The following UBA7 variants were observed in gnomAD, a reference collection of about 807,000 sequenced individuals.
UBA7 encodes the protein ubiquitin-like modifier-activating enzyme 7.
Under a neutral mutation model 113.0 loss-of-function variants are expected in UBA7, and 88 were observed. The ratio of observed to expected loss-of-function variants is 0.78; its 90% confidence interval spans 0.66 to 0.93. UBA7 has a LOEUF of 0.93. Ranked by LOEUF, UBA7 falls within the 40% of genes least tolerant of loss-of-function variation. The pLI is 0.00. For synonymous variants in UBA7, 459 were observed against 513.0 expected, an observed-to-expected ratio of 0.89 and a Z score of 1.42; for missense variants, 1,092 against 1,266.4, an observed-to-expected ratio of 0.86 and a Z score of 2.09.
At position 49,805,265 on chromosome 3, in the gene UBA7, G is replaced by A. The variant is rs1359681316; in HGVS notation, c.*43C>T. The A allele has an allele frequency of 6.3e-7, 1 of 1,588,076 alleles. No individual in the cohort carries two copies. The highest frequency in any genetic ancestry group is 2.2e-5 in the East Asian group (1 of 44,600). Reference sequence around the variant, plus strand: ...TGTGGGCTTACAATGCAGGGCTTGGGATCCGGGGCTCCATTGAGCTAGGTG... The same window carrying A: ...TGTGGGCTTACAATGCAGGGCTTGGAATCCGGGGCTCCATTGAGCTAGGTG... On this transcript the variant is annotated 3_prime_UTR_variant, in exon 24 of 24. Transcript: ENST00000333486.
Position 49,810,971 on chromosome 3 carries a change from C to A in UBA7, c.1230+13G>T, listed in dbSNP as rs758986869. 1 of 1,613,928 alleles carries A rather than the reference C, an allele frequency of 6.2e-7. No individual in the cohort carries two copies. The highest frequency in any genetic ancestry group is 8.5e-7 in the Non-Finnish European group (1 of 1,179,822). On this transcript the variant is annotated intron_variant, in intron 10 of 23. Coordinates refer to ENST00000333486, the MANE Select transcript of UBA7 (RefSeq NM_003335.3). This position sits in a 1 kb window ranked among gnomAD's most constrained non-coding sequence, Gnocchi z 5.6. ...TTTTGGACAAGGCTTGCACCCCTAT[C>A]CCAGGCTCTCACCAGGGCACAGTCC... is the stretch of plus-strand genomic sequence containing the variant.
chr3:49,812,278 A>G (rs1575378539), intron 6 of UBA7, 72 bp from the exon 7 acceptor site: 2 of 1,611,376 alleles, frequency 1.2e-6, no homozygotes, highest in East Asian at 2.2e-5. Flanking sequence ...CCTATCTTGC[A>G]TCTGTGTCCC....
Position 49,809,989 on chromosome 3 carries a change from G to A in UBA7, c.1828C>T (p.His610Tyr). 2 of 1,613,818 alleles carry A rather than the reference G, an allele frequency of 1.2e-6. No homozygotes were observed. Among genetic ancestry groups the A allele is most frequent in the Middle Eastern group, 1.6e-4 (1 of 6,062 alleles). The change falls in exon 14 of 24, where the codon CAC (histidine) becomes TAC (tyrosine). Residue 610 changes from histidine to tyrosine, a missense_variant. By Grantham distance (83) the His-to-Tyr change is moderately conservative. Coordinates refer to ENST00000333486, the MANE Select transcript of UBA7 (RefSeq NM_003335.3). ...AGGGTGCTTCCTACCTGCAGGGTGTGCTCGGCTGTGCTAGGGAAGTACCGC... is the reference window on the plus strand; with the variant it reads ...AGGGTGCTTCCTACCTGCAGGGTGTACTCGGCTGTGCTAGGGAAGTACCGC... Reference protein sequence around the residue: ...TVRYFPSTAEHTLQWARHEFE... With the variant: ...TVRYFPSTAEYTLQWARHEFE...
rs1011682179 is a variant in UBA7, at chr3:49,807,239, G to A, written c.2715+497C>T. On this transcript the variant is annotated intron_variant, in intron 21 of 23. Transcript: ENST00000333486. This position sits in a 1 kb window ranked among gnomAD's most constrained non-coding sequence, Gnocchi z 4.0. ...GCTCCTTCCATACCCACACTCCGGG[G>A]ATGCCCAGACCCCAGTTGCACTCAC... Among the ~76,000 whole-genome samples, 1 of 152,172 alleles carries A rather than the reference G, an allele frequency of 6.6e-6. No homozygotes were observed. The highest frequency in any genetic ancestry group is 2.4e-5 in the African/African-American group (1 of 41,420).
intron 16 of UBA7, 32 bp from the exon 17 acceptor site, chr3:49,809,496 G>C (rs1243540172): frequency 1.9e-6 from 3 of 1,613,994 alleles, no homozygotes; most frequent in Non-Finnish European, 2.5e-6. Context: ...GCTGGGCTCA[G>C]TCTGGTCCCC....
intron 6 of UBA7, 40 bp from the exon 7 acceptor site, chr3:49,812,246 C>T: frequency 6.2e-7 from 1 of 1,613,108 alleles, no homozygotes; most frequent in Non-Finnish European, 8.5e-7. Flanking sequence ...ATCCTTGAGC[C>T]TGAGTAGTTC....
chr3:49,811,140 C>T, intron 9 of UBA7, 49 bp from the exon 10 acceptor site: 1 of 1,608,232 alleles, frequency 6.2e-7, no homozygotes. Context: ...CCTGACCCCC[C>T]TCAGATCCTG....
At position 49,811,351 on chromosome 3, in the gene UBA7, T is replaced by C. The variant is rs1405784636; in HGVS notation, c.1044A>G (p.Thr348=). ...AGACACCTGCACTGCTTAGGGCGAC[T>C]GTCCGCACTAGGGCCTCATCCAGTG... is the stretch of plus-strand genomic sequence containing the variant. ...EEPLDEALVR[T]VALSSAGVLS... Residue 348 remains threonine, a synonymous_variant, in exon 9 of 24, where the codon ACA becomes ACG. Coordinates refer to ENST00000333486, the MANE Select transcript of UBA7 (RefSeq NM_003335.3). The C allele has an allele frequency of 6.2e-7, 1 of 1,614,224 alleles. No individual in the cohort carries two copies. The highest frequency in any genetic ancestry group is 8.5e-7 in the Non-Finnish European group (1 of 1,180,022).
At chr3:49,809,338 G>A in intron 17 of UBA7, 52 bp downstream of exon 17, 1 of 1,598,152 alleles carries the variant, frequency 6.3e-7, no homozygotes, top group Non-Finnish European at 8.6e-7. Context: ...GCCTACCTCT[G>A]CTCTGAGGGG....
Position 49,808,978 on chromosome 3 carries a change from A to C in UBA7, c.2345T>G (p.Phe782Cys). ...GGGGCCAGGGCCAGGAGCCTCACCA[A>C]ACTCAGCAGAAGCCGAAGCCAGCTC... ...NLELASASAE[F>C]GPEQQKELNK... The change falls in exon 18 of 24, where the codon TTT becomes TGT. Residue 782 changes from phenylalanine to cysteine, a missense_variant and splice_region_variant. Coordinates refer to ENST00000333486, the MANE Select transcript of UBA7 (RefSeq NM_003335.3). 3.1e-6 allele frequency: 5 copies of C among 1,613,110 alleles called. No homozygotes were observed. The highest frequency in any genetic ancestry group is 4.2e-6 in the Non-Finnish European group (5 of 1,179,810).
Position 49,810,477 on chromosome 3 carries a change from G to C in UBA7, c.1467+40C>G, listed in dbSNP as rs371301292. The C allele has an allele frequency of 5.6e-6, 9 of 1,613,932 alleles. No homozygotes were observed. The highest frequency in any genetic ancestry group is 1.6e-4 in the Middle Eastern group (1 of 6,062). On this transcript the variant is annotated intron_variant, in intron 12 of 23. Coordinates refer to ENST00000333486, the MANE Select transcript of UBA7 (RefSeq NM_003335.3). This position sits in a 1 kb window ranked among gnomAD's most constrained non-coding sequence, Gnocchi z 5.6. ...TGGGTGGGAAGCTGTATGGGAGGAC[G>C]GTCTGGGATGCAGGAGTGTGGAGAG...
chr3:49,810,015 A>C lies in UBA7; in HGVS notation c.1802T>G (p.Val601Gly). 6.2e-7 allele frequency: 1 copy of C among 1,613,786 alleles called. No homozygotes were observed. Among genetic ancestry groups the C allele is most frequent in the Non-Finnish European group, 8.5e-7 (1 of 1,179,944 alleles). ...CTCGGCTGTGCTAGGGAAGTACCGC[A>C]CGGTACAGACAGGGTAGGGGGCATC... The part of the protein sequence containing the change: ...SEDAPYPVCT[V>G]RYFPSTAEHT... Residue 601 changes from valine (V) to glycine (G), a missense_variant, in exon 14 of 24, where the codon GTG becomes GGG. By Grantham distance (109) the Val-to-Gly change is moderately radical. Coordinates refer to ENST00000333486, the MANE Select transcript of UBA7 (RefSeq NM_003335.3). The surrounding 1 kb of genome is among the most constrained non-coding windows in gnomAD (Gnocchi z 5.6).
At chr3:49,808,837 G>T in intron 18 of UBA7, 139 bp downstream of exon 18, 1 of 1,087,470 alleles carries the variant, frequency 9.2e-7, no homozygotes, top group Admixed American at 2.8e-5. Context: ...CTATGGAGGA[G>T]TGAGGTTAGG....
Position 49,812,155 on chromosome 3 carries a change from C to T in UBA7, c.746G>A (p.Arg249His), listed in dbSNP as rs1343349400. The part of the protein sequence containing the change: ...GDTTTFSRYL[R>H]GGAITEVKRP... Reference sequence around the variant, plus strand: ...CTTGACTTCAGTGATAGCCCCACCACGCAAGTACCGAGAGAAAGTTGTTGT... The same window carrying T: ...CTTGACTTCAGTGATAGCCCCACCATGCAAGTACCGAGAGAAAGTTGTTGT... Residue 249 changes from arginine (R) to histidine (H), a missense_variant, in exon 7 of 24, where the codon CGT becomes CAT. Around this residue, in one of 3 missense-constraint regions of UBA7, gnomAD observed 584 missense variants for 714.5 expected, o/e 0.82. Transcript: ENST00000333486. 6.2e-6 allele frequency: 10 copies of T among 1,614,096 alleles called. No homozygotes were observed. Among genetic ancestry groups the T allele is most frequent in the African/African-American group, 2.7e-5 (2 of 74,934 alleles).
Position 49,807,864 on chromosome 3 carries a change from G to T in UBA7, c.2587C>A (p.Leu863Met). The T allele has an allele frequency of 6.2e-7, 1 of 1,613,910 alleles. No individual in the cohort carries two copies. Among genetic ancestry groups the T allele is most frequent in the Non-Finnish European group, 8.5e-7 (1 of 1,179,830 alleles). The stretch of plus-strand genomic sequence containing the variant: ...ACCTTATACAGCTCCAGGCCCAACA[G>T]GCCTGCCACAGCTGCTGTAGTGGTG... ...IATTTAAVAG[L>M]LGLELYKVVS... Residue 863 changes from leucine (L) to methionine (M), a missense_variant, in exon 21 of 24, where the codon CTG (leucine) becomes ATG (methionine). This residue lies in a region of UBA7 where 500 missense variants were observed against 529.3 expected (regional missense o/e 0.94). Coordinates refer to ENST00000333486, the MANE Select transcript of UBA7 (RefSeq NM_003335.3). The surrounding 1 kb of genome is among the most constrained non-coding windows in gnomAD (Gnocchi z 4.0).
In UBA7 at chr3:49,813,731, C is replaced by T; in HGVS notation, c.56+1G>A. The T allele has an allele frequency of 6.2e-7, 1 of 1,614,268 alleles. No individual in the cohort carries two copies. The highest frequency in any genetic ancestry group is 8.5e-7 in the Non-Finnish European group (1 of 1,180,042). ...TCTCCACCCCCCACCTCGGGCCTCA[C>T]AGCTGTCTTGAATACAGCTCCTCAT... On this transcript the variant is annotated splice_donor_variant, in intron 1 of 23. Transcript: ENST00000333486. LOFTEE classifies it high-confidence loss of function.
rs544402652 is a variant in UBA7, at chr3:49,812,467, G to A, written c.635C>T (p.Ser212Leu). 43 of 1,614,180 alleles carry A rather than the reference G, an allele frequency of 2.7e-5. No individual in the cohort carries two copies. Among genetic ancestry groups the A allele is most frequent in the Middle Eastern group, 1.6e-4 (1 of 6,062 alleles). ...GAGCTCAACCATTCCCTCAATTCCC[G>A]AGAAAGTCACCAAGTCTCCATCACG... Reference protein sequence around the residue: ...YFRDGDLVTFSGIEGMVELND... With the variant: ...YFRDGDLVTFLGIEGMVELND... The change falls in exon 6 of 24, where the codon TCG (serine) becomes TTG (leucine). Residue 212 changes from serine to leucine, a missense_variant. Ser to Leu is a moderately radical substitution (Grantham distance 145). Transcript: ENST00000333486.
At chr3:49,806,599 C>T (rs759376720) in intron 21 of UBA7, among the ~76,000 whole-genome samples, 1 of 152,102 alleles carries the variant, frequency 6.6e-6, no homozygotes, top group Non-Finnish European at 1.5e-5. Flanking sequence ...GCAAAGGGCA[C>T]AGTGACCACC....
rs1166483406 is a variant in UBA7, at chr3:49,809,604, G to A, written c.2026C>T (p.His676Tyr). 6.2e-7 allele frequency: 1 copy of A among 1,614,104 alleles called. No individual in the cohort carries two copies. Among genetic ancestry groups the A allele is most frequent in the East Asian group, 2.2e-5 (1 of 44,886 alleles). The part of the protein sequence containing the change: ...WQDCVAWALG[H>Y]WKLCFHYGIK... ...CCATAATGAAAGCAGAGTTTCCAGT[G>A]GCCAAGAGCCCACGCCACACAGTCT... Residue 676 changes from histidine to tyrosine, a missense_variant, in exon 16 of 24, where the codon CAC (histidine) becomes TAC (tyrosine). Transcript: ENST00000333486.
Sources: allele counts gnomAD v4.1 joint callset (sites outside exome capture counted in the v4.1 genomes callset), GRCh38; gene constraint gnomAD v4.1.1; regional missense constraint gnomAD v4.1.1; non-coding constraint Gnocchi (gnomAD v3.1); transcripts MANE v1.5; gene names NCBI Gene and HGNC (gene_info 2026-07-23, HGNC 2026-07-21).